Variants in PWWP3B observed in about 807,000 individuals in gnomAD.
PWWP3B encodes the protein PWWP domain containing 3B, also known as PWWP domain-containing DNA repair factor 3B.
In PWWP3B, 5 loss-of-function variants were observed where a neutral mutation model predicts 15.7. The observed-to-expected ratio is 0.32, with a 90% confidence interval of 0.17 to 0.67. The LOEUF is 0.67. PWWP3B is among the 30% of genes least tolerant of loss of function. The pLI, the probability that PWWP3B is intolerant of heterozygous loss-of-function variation, is 0.74. For missense variants in PWWP3B, 519 were observed against 493.1 expected (o/e 1.05, Z -0.50); for synonymous variants, 203 against 179.8 (o/e 1.13, Z -1.03).
At position 106,204,099 on chromosome X, in the gene PWWP3B, A is replaced by G. The variant is rs1231189829; in HGVS notation, c.-286A>G. ...CCGAGCTGGGTAAAGGCCCTGCTGG[A>G]CAAGCAGTTGGAGTGAGAATCAAGA... is the stretch of plus-strand genomic sequence containing the variant. On this transcript the variant is annotated 5_prime_UTR_variant, in exon 3 of 4. Coordinates refer to ENST00000357175, the MANE Select transcript of PWWP3B (RefSeq NM_001171020.2). 1 of 112,005 alleles carries G rather than the reference A, an allele frequency of 8.9e-6. No individual in the cohort carries two copies. The highest frequency in any genetic ancestry group is 9.5e-5 in the Admixed American group (1 of 10,510). 9.2% of individuals were successfully genotyped at this position (112,005 alleles called of 1,213,427 possible).
At chrX:106,199,884 T>C (rs1923596430) in intron 2 of PWWP3B, among the ~76,000 whole-genome samples, 1 of 111,572 alleles carries the variant, frequency 9.0e-6, no homozygotes, top group South Asian at 3.7e-4. Flanking sequence ...ATTACAAATA[T>C]GATATACGAT....
At chrX:106,192,384 G>C (rs1442370451) in intron 2 of PWWP3B, among the ~76,000 whole-genome samples, 5 of 111,306 alleles carry the variant, frequency 4.5e-5, no homozygotes, top group Non-Finnish European at 9.4e-5. Context: ...GATGGGTGGT[G>C]ATATCCCCTT....
rs1197388398 is a variant in PWWP3B at position 106,207,444 on chromosome X, G to A, written c.2012G>A (p.Gly671Asp). Residue 671 changes from glycine (G) to aspartate (D), a missense_variant, in exon 4 of 4, where the codon GGC becomes GAC. Gly to Asp is a moderately conservative substitution (Grantham distance 94). Transcript: ENST00000357175. ...AAGTATCTAAAAGGACCATGTCTAG[G>A]CTACAGGGAAAGAGAATTATTTGAT... Reference protein sequence around the residue: ...EAKYLKGPCLGYRERELFDAK... With the variant: ...EAKYLKGPCLDYRERELFDAK... 8.6e-7 allele frequency: 1 copy of A among 1,163,867 alleles called. No individual in the cohort carries two copies. The highest frequency in any genetic ancestry group is 1.9e-5 in the South Asian group (1 of 51,718).
intron 2 of PWWP3B, among the ~76,000 whole-genome samples, chrX:106,179,169 G>T (rs900241616): frequency 2.3e-4 from 26 of 111,937 alleles, no homozygotes; most frequent in African/African-American, 8.4e-4. Context: ...TGTAGAGTGT[G>T]ATTCAAATTC....
At chrX:106,193,391 T>G (rs1279891943) in intron 2 of PWWP3B, among the ~76,000 whole-genome samples, 7 of 111,591 alleles carry the variant, frequency 6.3e-5, no homozygotes, top group East Asian at 2.8e-4. Context: ...CCATTTGCTT[T>G]GTAGATCTTC....
rs763226534 is a variant in PWWP3B, at chrX:106,193,550, A to G, written c.-400-10435A>G. Among the ~76,000 whole-genome samples the G allele has an allele frequency of 3.0e-3, 332 of 111,457 alleles. 1 individual carries two copies. Among genetic ancestry groups the G allele is most frequent in the Non-Finnish European group, 4.8e-3 (256 of 53,036 alleles). On this transcript the variant is annotated intron_variant, in intron 2 of 3. Transcript: ENST00000357175. ...TTTAGCCCATTTACATTTAAAGTTA[A>G]TATTGTTATGTGTGAATTTGATCCT...
At position 106,206,142 on chromosome X, in the gene PWWP3B, C is replaced by T. The variant is rs759114811; in HGVS notation, c.710C>T (p.Ala237Val). 1.3e-5 allele frequency: 16 copies of T among 1,208,986 alleles called. No homozygotes were observed. The Admixed American group carries it at 3.1e-4, about 23-fold the overall frequency. ...ESACVKDEKFAPPLSPLSSDM... is the reference protein window; with the variant it reads ...ESACVKDEKFVPPLSPLSSDM... ...GCATGTGTTAAAGATGAAAAGTTTG[C>T]TCCACCTTTGTCACCTTTGTCATCA... Residue 237 changes from alanine (A) to valine (V), a missense_variant, in exon 4 of 4, where the codon GCT (alanine) becomes GTT (valine). Coordinates refer to ENST00000357175, the MANE Select transcript of PWWP3B (RefSeq NM_001171020.2).
chrX:106,199,042 C>T, intron 2 of PWWP3B, among the ~76,000 whole-genome samples: 1 of 102,825 alleles, frequency 9.7e-6, no homozygotes. Flanking sequence ...TTGTTATTTT[C>T]ATTGTAATTT....
intron 2 of PWWP3B, among the ~76,000 whole-genome samples, chrX:106,190,657 CTAGGGTTT>C (rs1268949563): frequency 1.8e-5 from 2 of 111,812 alleles, no homozygotes; most frequent in Non-Finnish European, 3.8e-5. Flanking sequence ...AAGTTTTCTT[CTAGGGTTT>C]TTATGGTTTT....
intron 2 of PWWP3B, among the ~76,000 whole-genome samples, chrX:106,189,713 G>A (rs1267096643): frequency 9.4e-6 from 1 of 106,624 alleles, no homozygotes; most frequent in Non-Finnish European, 1.9e-5. Flanking sequence ...TGCCTCCCGG[G>A]TTCACGCCAT....
chrX:106,170,505 G>GGTCT (rs1324739946), intron 1 of PWWP3B, among the ~76,000 whole-genome samples: 1 of 112,169 alleles, frequency 8.9e-6, no homozygotes, highest in Non-Finnish European at 1.9e-5. Context: ...CTGCAGTTCT[G>GGTCT]GTTCTGGTCA....
intron 2 of PWWP3B, among the ~76,000 whole-genome samples, chrX:106,199,129 A>G (rs1434600034): frequency 1.8e-5 from 2 of 108,253 alleles, no homozygotes; most frequent in Non-Finnish European, 3.8e-5. Context: ...GCTCACTGCA[A>G]GCTCTGCCTC....
intron 2 of PWWP3B, among the ~76,000 whole-genome samples, chrX:106,197,271 G>A (rs1439063636): frequency 8.9e-6 from 1 of 111,759 alleles, no homozygotes; most frequent in Non-Finnish European, 1.9e-5. Context: ...CAGGGCAGAG[G>A]TTTTTCCCTT....
chrX:106,179,089 G>C (rs917875303), intron 2 of PWWP3B, among the ~76,000 whole-genome samples: 9 of 111,699 alleles, frequency 8.1e-5, no homozygotes, highest in Admixed American at 3.8e-4. Context: ...ATTTTCTCCA[G>C]ACAACTATTT....
Position 106,206,732 on chromosome X carries a change from A to C in PWWP3B, c.1300A>C (p.Lys434Gln). The change falls in exon 4 of 4, where the codon AAG (lysine) becomes CAG (glutamine). Residue 434 changes from lysine (K) to glutamine (Q), a missense_variant. By Grantham distance (53) the Lys-to-Gln change is moderately conservative. Coordinates refer to ENST00000357175, the MANE Select transcript of PWWP3B (RefSeq NM_001171020.2). ...FVEANMNSEKKGIRVNFRRLK... is the reference protein window; with the variant it reads ...FVEANMNSEKQGIRVNFRRLK... ...TGAGGCAAACATGAATTCTGAAAAG[A>C]AGGGCATTAGAGTAAATTTTAGAAG... 3 of 1,210,123 alleles carry C rather than the reference A, an allele frequency of 2.5e-6. No individual in the cohort carries two copies. Among genetic ancestry groups the C allele is most frequent in the Non-Finnish European group, 3.4e-6 (3 of 894,706 alleles).
intron 2 of PWWP3B, among the ~76,000 whole-genome samples, chrX:106,192,954 A>G (rs1923096405): frequency 9.0e-6 from 1 of 111,474 alleles, no homozygotes; most frequent in South Asian, 3.8e-4. Context: ...GGAGTGCTTT[A>G]CTTCCAACTA....
At chrX:106,204,349 C>T (rs1923869820) in intron 3 of PWWP3B, among the ~76,000 whole-genome samples, 179 bp downstream of exon 3, 1 of 112,322 alleles carries the variant, frequency 8.9e-6, no homozygotes, top group Non-Finnish European at 1.9e-5. Flanking sequence ...GCCCCCTGTT[C>T]TGCAGCCATG....
At chrX:106,201,963 G>A (rs2147634387) in intron 2 of PWWP3B, among the ~76,000 whole-genome samples, 1 of 112,161 alleles carries the variant, frequency 8.9e-6, no homozygotes, top group East Asian at 2.8e-4. Context: ...AGTGGGAGAA[G>A]GGGTGATCAG....
chrX:106,199,230 G>A (rs1243481667), intron 2 of PWWP3B, among the ~76,000 whole-genome samples: 3 of 109,668 alleles, frequency 2.7e-5, no homozygotes, highest in Non-Finnish European at 5.7e-5. Flanking sequence ...TTCTTTTTTT[G>A]TATTTTTAGT....
Sources: allele counts gnomAD v4.1 joint callset (sites outside exome capture counted in the v4.1 genomes callset), GRCh38; gene constraint gnomAD v4.1.1; transcripts MANE v1.5; gene names NCBI Gene and HGNC (gene_info 2026-07-23, HGNC 2026-07-21).